DACH2: variants seen among roughly 807,000 people sequenced by gnomAD.
DACH2 encodes dachshund homolog 2.
Under a neutral mutation model 35.8 loss-of-function variants are expected in DACH2, and 17 were observed. The ratio of observed to expected loss-of-function variants is 0.48; its 90% CI spans 0.33 to 0.71. The LOEUF (loss-of-function observed/expected upper bound fraction) is 0.71, where lower values mean the gene tolerates loss of function less well. DACH2 is among the 30% of genes least tolerant of loss of function. The probability of loss-of-function intolerance (pLI) is 0.02; values close to 1 mark genes in which losing one functional copy is unlikely to be tolerated. For synonymous variants in DACH2, 195 were observed against 177.3 expected (o/e 1.10, Z -0.79); for missense variants, 469 against 472.7 (o/e 0.99, Z 0.07).
chrX:86,366,938 A>G (rs969241780), intron 1 of DACH2, among the ~76,000 whole-genome samples: 1 of 110,278 alleles, frequency 9.1e-6, no homozygotes, highest in Non-Finnish European at 1.9e-5. Context: ...AGCCAAATAA[A>G]CCTCTTTCTT....
At chrX:86,564,582 G>A (rs1013029700) in intron 3 of DACH2, among the ~76,000 whole-genome samples, 1 of 111,358 alleles carries the variant, frequency 9.0e-6, no homozygotes, top group Non-Finnish European at 1.9e-5. Flanking sequence ...ACCACAAGCT[G>A]CCTCTGGTGC....
At chrX:86,212,694 A>C (rs1287435788) in intron 1 of DACH2, among the ~76,000 whole-genome samples, 1 of 111,383 alleles carries the variant, frequency 9.0e-6, no homozygotes, top group Non-Finnish European at 1.9e-5. Flanking sequence ...AACTACATGT[A>C]AATTTTTATA....
intron 1 of DACH2, among the ~76,000 whole-genome samples, chrX:86,198,296 CCCA>C (rs2147899092): frequency 8.9e-6 from 1 of 111,802 alleles, no homozygotes; most frequent in East Asian, 2.8e-4. Flanking sequence ...GCGATAAACA[CCCA>C]CATCAAAAAG....
At chrX:86,227,952 A>G (rs2032862497) in intron 1 of DACH2, among the ~76,000 whole-genome samples, 1 of 106,249 alleles carries the variant, frequency 9.4e-6, no homozygotes, top group African/African-American at 3.8e-5. Flanking sequence ...CCAAATCCTT[A>G]TTATTTATTA....
intron 2 of DACH2, among the ~76,000 whole-genome samples, chrX:86,483,222 GCAGCATCTTTAC>G (rs1272614086): frequency 1.0e-4 from 11 of 109,492 alleles, no homozygotes; most frequent in Non-Finnish European, 7.6e-5. Flanking sequence ...CTTGGTCCAA[GCAGCATCTTTAC>G]CAGCCAATGG....
At chrX:86,667,545 G>GAAAAGA (rs1556364144) in intron 4 of DACH2, among the ~76,000 whole-genome samples, 1 of 31,378 alleles carries the variant, frequency 3.2e-5, no homozygotes, top group East Asian at 1.1e-3. Flanking sequence ...AAGAAAGAAA[G>GAAAAGA]AAGAAAGAAA....
chrX:86,535,187 A>T (rs1025552956), intron 3 of DACH2, among the ~76,000 whole-genome samples: 39 of 111,296 alleles, frequency 3.5e-4, no homozygotes, highest in African/African-American at 1.2e-3. Context: ...CCTTCATTCA[A>T]CTCATCCATT....
chrX:86,272,976 C>G (rs1602342735), intron 1 of DACH2, among the ~76,000 whole-genome samples: 1 of 111,158 alleles, frequency 9.0e-6, no homozygotes, highest in Non-Finnish European at 1.9e-5. Flanking sequence ...AATAGGCCCA[C>G]CAAAGAGATT....
At chrX:86,371,156 T>C (rs759284305) in intron 1 of DACH2, among the ~76,000 whole-genome samples, 1 of 110,790 alleles carries the variant, frequency 9.0e-6, no homozygotes, top group Admixed American at 9.7e-5. Flanking sequence ...TTCTTTGAGT[T>C]ATATTGACAC....
intron 1 of DACH2, among the ~76,000 whole-genome samples, chrX:86,207,295 A>T (rs73512099): frequency 9.0e-6 from 1 of 111,160 alleles, no homozygotes; most frequent in Non-Finnish European, 1.9e-5. Flanking sequence ...TTAGAACACA[A>T]ATCCATTGTA....
rs150675243 is a variant in DACH2, at chrX:86,521,435, G to A, written c.640+7044G>A. ...GTTCTCTGTATTTCCTGAATTTGAC[G>A]GTTGACCTCTCTAGCAAGTTTGGGG... On this transcript the variant is annotated intron_variant, in intron 3 of 11. Coordinates refer to ENST00000373125, the MANE Select transcript of DACH2 (RefSeq NM_053281.3). Among the ~76,000 whole-genome samples the A allele has an allele frequency of 5.4e-3, 598 of 111,454 alleles. 5 individuals are homozygous for A. Among genetic ancestry groups the A allele is most frequent in the African/African-American group, 0.018 (566 of 30,729 alleles).
At chrX:86,633,262 AAG>A (rs983907075) in intron 3 of DACH2, among the ~76,000 whole-genome samples, 2 of 111,575 alleles carry the variant, frequency 1.8e-5, no homozygotes, top group Non-Finnish European at 3.8e-5. Context: ...AAAAATGAAA[AAG>A]AGACATTACT....
chrX:86,442,268 A>AT (rs1180333928), intron 2 of DACH2, among the ~76,000 whole-genome samples: 7 of 98,139 alleles, frequency 7.1e-5, no homozygotes, highest in Non-Finnish European at 1.2e-4. Context: ...GATGCAGAAC[A>AT]TTTTTTTTTA....
chrX:86,708,095 A>G (rs777681996), intron 5 of DACH2, among the ~76,000 whole-genome samples: 2 of 108,829 alleles, frequency 1.8e-5, no homozygotes, highest in Non-Finnish European at 1.9e-5. Context: ...ATACCCATTC[A>G]TAATAAAAAC....
intron 2 of DACH2, among the ~76,000 whole-genome samples, chrX:86,458,984 G>A (rs1250551768): frequency 9.0e-6 from 1 of 110,645 alleles, no homozygotes; most frequent in Non-Finnish European, 1.9e-5. Flanking sequence ...AAAACTGCAC[G>A]CTCTGCACAT....
chrX:86,291,520 C>T (rs916461765), intron 1 of DACH2, among the ~76,000 whole-genome samples: 1 of 106,797 alleles, frequency 9.4e-6, no homozygotes, highest in Admixed American at 1.0e-4. Flanking sequence ...AAAGGGAATG[C>T]TTCCAGTTTT....
chrX:86,397,378 T>C (rs1325817181), intron 2 of DACH2, among the ~76,000 whole-genome samples: 1 of 111,419 alleles, frequency 9.0e-6, no homozygotes, highest in East Asian at 2.8e-4. Context: ...TGAATGCCCT[T>C]TATTTTCTTC....
chrX:86,259,931 A>G (rs113650485), intron 1 of DACH2, among the ~76,000 whole-genome samples: 1 of 111,506 alleles, frequency 9.0e-6, no homozygotes, highest in Non-Finnish European at 1.9e-5. Context: ...ATAGACTGCA[A>G]TAAGGAGATT....
intron 2 of DACH2, among the ~76,000 whole-genome samples, chrX:86,377,917 T>A (rs1373218540): frequency 4.5e-5 from 5 of 110,661 alleles, no homozygotes; most frequent in Non-Finnish European, 5.7e-5. Flanking sequence ...AAGCAGTGGA[T>A]GTGCCTCCTT....
Sources: allele counts gnomAD v4.1 joint callset (sites outside exome capture counted in the v4.1 genomes callset), GRCh38; gene constraint gnomAD v4.1.1; transcripts MANE v1.5; gene names NCBI Gene and HGNC (gene_info 2026-07-23, HGNC 2026-07-21).